The following METTL18 variants were observed in gnomAD, a reference collection of about 807,000 sequenced individuals.
METTL18 encodes histidine protein methyltransferase 1 homolog.
Under a neutral mutation model 19.6 loss-of-function variants are expected in METTL18, and 15 were observed. That is an observed-to-expected ratio of 0.77 (90% CI 0.51 to 1.18). The LOEUF (loss-of-function observed/expected upper bound fraction) is 1.18, where lower values mean the gene tolerates loss of function less well. METTL18 is among the 50% of genes most tolerant of loss of function. METTL18 has a pLI of 0.00. For missense variants in METTL18, 392 were observed against 418.8 expected (o/e 0.94, Z 0.56); for synonymous variants, 131 against 145.2 (o/e 0.90, Z 0.70).
intron 1 of METTL18, among the ~76,000 whole-genome samples, chr1:169,794,207 C>CT (rs1179989571): frequency 6.6e-6 from 1 of 152,224 alleles, no homozygotes; most frequent in Non-Finnish European, 1.5e-5. Flanking sequence ...TAGCTACTTG[C>CT]TGTCTTTCAG....
Position 169,792,613 on chromosome 1 carries a change from C to A in METTL18, c.1083G>T (p.Arg361Ser). 6.3e-7 allele frequency: 1 copy of A among 1,576,352 alleles called. No homozygotes were observed. Reference sequence around the variant, plus strand: ...ACTTAAAAGTTATTTCAATTATGAACCTCTTCAATCCTTCATCAATTATTT... The same window carrying A: ...ACTTAAAAGTTATTTCAATTATGAAACTCTTCAATCCTTCATCAATTATTT... The part of the protein sequence containing the change: ...ILKIIDEGLK[R>S]FIIEITFKFP... The change falls in exon 2 of 2, where the codon AGG (arginine) becomes AGT (serine). Residue 361 changes from arginine to serine, a missense_variant. Physicochemically the swap from Arg to Ser is moderately radical, Grantham distance 110. Transcript: ENST00000310392.
In METTL18 at chr1:169,793,129, T is replaced by C; in HGVS notation, c.567A>G (p.Lys189=). The C allele has an allele frequency of 6.2e-7, 1 of 1,614,186 alleles. No individual in the cohort carries two copies. The highest frequency in any genetic ancestry group is 8.5e-7 in the Non-Finnish European group (1 of 1,180,024). ...ATCCACAACCAAGATCCAAGACTTT[T>C]TTCCCAGCAAATTTCACTTTGGCCT... ...FTKAKVKFAG[K]KVLDLGCGSG... is the part of the protein sequence containing the mutation. Residue 189 remains lysine (K), a synonymous_variant, in exon 2 of 2, where the codon AAA becomes AAG. Coordinates refer to ENST00000310392, the MANE Select transcript of METTL18 (RefSeq NM_033418.4).
At position 169,793,123 on chromosome 1, in the gene METTL18, G is replaced by T; in HGVS notation, c.573C>A (p.Val191=). 6.2e-7 allele frequency: 1 copy of T among 1,614,154 alleles called. No homozygotes were observed. Residue 191 remains valine (V), a synonymous_variant, in exon 2 of 2, where the codon GTC becomes GTA. Coordinates refer to ENST00000310392, the MANE Select transcript of METTL18 (RefSeq NM_033418.4). ...AACCTGATCCACAACCAAGATCCAAGACTTTTTTCCCAGCAAATTTCACTT... is the reference window on the plus strand; with the variant it reads ...AACCTGATCCACAACCAAGATCCAATACTTTTTTCCCAGCAAATTTCACTT... ...KAKVKFAGKK[V]LDLGCGSGLL...
In METTL18 at chr1:169,792,905, C is replaced by T. The variant is rs1008797172; in HGVS notation, c.791G>A (p.Arg264Gln). The T allele has an allele frequency of 1.1e-5, 17 of 1,613,958 alleles. No homozygotes were observed. The highest frequency in any genetic ancestry group is 1.6e-4 in the Middle Eastern group (1 of 6,082). ...CTCAGACCACTCACCAGAAAAAAAT[C>T]GGCATTTATATAGTTGTGTTACTTT... The part of the protein sequence containing the change: ...KPKVTQLYKC[R>Q]FFSGEWSEFC... Residue 264 changes from arginine to glutamine, a missense_variant, in exon 2 of 2, where the codon CGA (arginine) becomes CAA (glutamine). Coordinates refer to ENST00000310392, the MANE Select transcript of METTL18 (RefSeq NM_033418.4).
rs780724782 is a variant in METTL18, at chr1:169,792,992, G to C, written c.704C>G (p.Ser235Cys). ...ATCATTTTCTTCATCTTCCAAAGTG[G>C]AGTTAGCTACTACATTAGGTAAGGT... Reference protein sequence around the residue: ...EVTLPNVVANSTLEDEENDVN... With the variant: ...EVTLPNVVANCTLEDEENDVN... Residue 235 changes from serine (S) to cysteine (C), a missense_variant, in exon 2 of 2, where the codon TCC becomes TGC. Ser to Cys is a moderately radical substitution (Grantham distance 112). Transcript: ENST00000310392. 5.0e-6 allele frequency: 8 copies of C among 1,614,016 alleles called. No homozygotes were observed. Among genetic ancestry groups the C allele is most frequent in the Non-Finnish European group, 6.8e-6 (8 of 1,179,970 alleles).
At position 169,793,592 on chromosome 1, in the gene METTL18, A is replaced by G; in HGVS notation, c.104T>C (p.Val35Ala). The G allele has an allele frequency of 6.2e-7, 1 of 1,614,196 alleles. No homozygotes were observed. The highest frequency in any genetic ancestry group is 8.5e-7 in the Non-Finnish European group (1 of 1,180,040). ...CTCTTCTCCTTTTTGACTTTCTGAG[A>G]CTGACAGCTCTTTTGAGGAATCCAG... ...LTLDSSKELSVSESQKGEERD... is the reference protein window; with the variant it reads ...LTLDSSKELSASESQKGEERD... Residue 35 changes from valine (V) to alanine (A), a missense_variant, in exon 2 of 2, where the codon GTC becomes GCC. Val to Ala is a moderately conservative substitution (Grantham distance 64). Transcript: ENST00000310392.
Position 169,793,462 on chromosome 1 carries a change from T to C in METTL18, c.234A>G (p.Pro78=). The change falls in exon 2 of 2, where the codon CCA becomes CCG. Residue 78 remains proline, a synonymous_variant. Transcript: ENST00000310392. ...NAAPSQDTDS[P]LSAASSSRNL... The stretch of plus-strand genomic sequence containing the variant: ...TCCTTGAACTGCTGGCTGCACTGAG[T>C]GGACTGTCTGTGTCTTGAGAGGGAG... The C allele has an allele frequency of 1.2e-6, 2 of 1,614,202 alleles. No homozygotes were observed. The highest frequency in any genetic ancestry group is 2.7e-5 in the African/African-American group (2 of 75,052).
chr1:169,792,823 G>A lies in METTL18; in HGVS notation c.873C>T (p.Leu291=). 2 of 1,613,740 alleles carry A rather than the reference G, an allele frequency of 1.2e-6. No homozygotes were observed. The highest frequency in any genetic ancestry group is 1.3e-5 in the African/African-American group (1 of 75,010). ...EKLFVKYDLI[L]TSETIYNPDY... ...CTGGGTTGTAAATGGTTTCTGAGGTGAGAATGAGATCATATTTTACAAAAA... is the reference window on the plus strand; with the variant it reads ...CTGGGTTGTAAATGGTTTCTGAGGTAAGAATGAGATCATATTTTACAAAAA... The change falls in exon 2 of 2, where the codon CTC becomes CTT. Residue 291 remains leucine, a synonymous_variant. Transcript: ENST00000310392.
At position 169,792,728 on chromosome 1, in the gene METTL18, C is replaced by G; in HGVS notation, c.968G>C (p.Ser323Thr). 6.2e-7 allele frequency: 1 copy of G among 1,613,826 alleles called. No homozygotes were observed. Among genetic ancestry groups the G allele is most frequent in the Non-Finnish European group, 8.5e-7 (1 of 1,179,954 alleles). ...ACCTACACCAAAATAATGTGCTTTGCTGGCCAAAAGTACACGTCCATTTTT... is the reference window on the plus strand; with the variant it reads ...ACCTACACCAAAATAATGTGCTTTGGTGGCCAAAAGTACACGTCCATTTTT... ...LSKNGRVLLASKAHYFGVGGG... is the reference protein window; with the variant it reads ...LSKNGRVLLATKAHYFGVGGG... The change falls in exon 2 of 2, where the codon AGC becomes ACC. Residue 323 changes from serine (S) to threonine (T), a missense_variant. Ser to Thr is a moderately conservative substitution (Grantham distance 58). Transcript: ENST00000310392.
In METTL18 at chr1:169,792,837, A is replaced by G; in HGVS notation, c.859T>C (p.Tyr287His). The G allele has an allele frequency of 6.2e-7, 1 of 1,613,896 alleles. No homozygotes were observed. Among genetic ancestry groups the G allele is most frequent in the Non-Finnish European group, 8.5e-7 (1 of 1,179,968 alleles). The change falls in exon 2 of 2, where the codon TAT (tyrosine) becomes CAT (histidine). Residue 287 changes from tyrosine (Y) to histidine (H), a missense_variant. By Grantham distance (83) the Tyr-to-His change is moderately conservative (BLOSUM62 2). Transcript: ENST00000310392. ...VLSSEKLFVK[Y>H]DLILTSETIY... ...GTTTCTGAGGTGAGAATGAGATCAT[A>G]TTTTACAAAAAGTTTTTCACTACTT...
rs1392932031 is a variant in METTL18, at chr1:169,792,858, T to G, written c.838A>C (p.Ser280Arg). Residue 280 changes from serine (S) to arginine (R), a missense_variant, in exon 2 of 2, where the codon AGT becomes CGT. Coordinates refer to ENST00000310392, the MANE Select transcript of METTL18 (RefSeq NM_033418.4). ...TCATATTTTACAAAAAGTTTTTCAC[T>G]ACTTAGTACAAGCTTACAAAACTCA... is the stretch of plus-strand genomic sequence containing the variant. ...WSEFCKLVLS[S>R]EKLFVKYDLI... The G allele has an allele frequency of 3.7e-6, 6 of 1,613,918 alleles. No individual in the cohort carries two copies. Among genetic ancestry groups the G allele is most frequent in the Non-Finnish European group, 4.2e-6 (5 of 1,180,004 alleles).
chr1:169,793,472 G>A lies in METTL18; in HGVS notation c.224C>T (p.Thr75Ile), dbSNP rs140273274. 5.5e-4 allele frequency: 885 copies of A among 1,614,186 alleles called. No homozygotes were observed. Among genetic ancestry groups the A allele is most frequent in the Non-Finnish European group, 7.0e-4 (823 of 1,180,018 alleles). The part of the protein sequence containing the change: ...SMENAAPSQD[T>I]DSPLSAASSS... ...GCTGGCTGCACTGAGTGGACTGTCT[G>A]TGTCTTGAGAGGGAGCTGCATTTTC... Residue 75 changes from threonine to isoleucine, a missense_variant, in exon 2 of 2, where the codon ACA (threonine) becomes ATA (isoleucine). Physicochemically the swap from Thr to Ile is moderately conservative, Grantham distance 89 (BLOSUM62 -1). Coordinates refer to ENST00000310392, the MANE Select transcript of METTL18 (RefSeq NM_033418.4).
chr1:169,793,524 C>G lies in METTL18; in HGVS notation c.172G>C (p.Asp58His). ...ATTGACTTATGTTCCCACAAGTGAT[C>G]CTGAGGCAAGTCAAATTGTTCTGCA... ...CSAEQFDLPQ[D>H]HLWEHKSMEN... Residue 58 changes from aspartate (D) to histidine (H), a missense_variant, in exon 2 of 2, where the codon GAT (aspartate) becomes CAT (histidine). Transcript: ENST00000310392. The G allele has an allele frequency of 6.2e-7, 1 of 1,614,164 alleles. No homozygotes were observed. Among genetic ancestry groups the G allele is most frequent in the Admixed American group, 1.7e-5 (1 of 60,018 alleles).
At chr1:169,794,723 G>T in intron 1 of METTL18, 92 bp downstream of exon 1, 1 of 166,720 alleles carries the variant, frequency 6.0e-6, no homozygotes. Context: ...AGTCACTTCC[G>T]GCTGCAGGTC....
rs201468146 is a variant in METTL18 at position 169,793,520 on chromosome 1, T to G, written c.176A>C (p.His59Pro). 24 of 1,614,214 alleles carry G rather than the reference T, an allele frequency of 1.5e-5. No homozygotes were observed. Among genetic ancestry groups the G allele is most frequent in the Non-Finnish European group, 1.7e-5 (20 of 1,180,034 alleles). ...TTCCATTGACTTATGTTCCCACAAG[T>G]GATCCTGAGGCAAGTCAAATTGTTC... ...SAEQFDLPQD[H>P]LWEHKSMENA... The change falls in exon 2 of 2, where the codon CAC becomes CCC. Residue 59 changes from histidine (H) to proline (P), a missense_variant. Coordinates refer to ENST00000310392, the MANE Select transcript of METTL18 (RefSeq NM_033418.4).
rs1259432410 is a variant in METTL18, at chr1:169,793,457, C to T, written c.239G>A (p.Ser80Asn). The T allele has an allele frequency of 1.2e-6, 2 of 1,614,208 alleles. No individual in the cohort carries two copies. The highest frequency in any genetic ancestry group is 2.2e-5 in the South Asian group (2 of 91,080). ...APSQDTDSPL[S>N]AASSSRNLEP... Reference sequence around the variant, plus strand: ...CAAGTTCCTTGAACTGCTGGCTGCACTGAGTGGACTGTCTGTGTCTTGAGA... The same window carrying T: ...CAAGTTCCTTGAACTGCTGGCTGCATTGAGTGGACTGTCTGTGTCTTGAGA... Residue 80 changes from serine (S) to asparagine (N), a missense_variant, in exon 2 of 2, where the codon AGT (serine) becomes AAT (asparagine). Coordinates refer to ENST00000310392, the MANE Select transcript of METTL18 (RefSeq NM_033418.4).
chr1:169,793,271 G>C lies in METTL18; in HGVS notation c.425C>G (p.Pro142Arg), dbSNP rs137931977. 2.7e-5 allele frequency: 44 copies of C among 1,614,072 alleles called. No individual in the cohort carries two copies. The African/African-American group carries it at 4.4e-4, about 16-fold the overall frequency. Residue 142 changes from proline (P) to arginine (R), a missense_variant, in exon 2 of 2, where the codon CCT becomes CGT. Physicochemically the swap from Pro to Arg is moderately radical, Grantham distance 103. Coordinates refer to ENST00000310392, the MANE Select transcript of METTL18 (RefSeq NM_033418.4). ...GCTTTTTGAAACTATGTTTTCTCCA[G>C]GGAAGTTCTCTTTCAACAAGATGGT... ...VKTILLKENFPGENIVSKSFS... is the reference protein window; with the variant it reads ...VKTILLKENFRGENIVSKSFS...
chr1:169,793,205 C>T lies in METTL18; in HGVS notation c.491G>A (p.Gly164Glu), dbSNP rs938547443. The T allele has an allele frequency of 6.2e-7, 1 of 1,614,162 alleles. No homozygotes were observed. Among genetic ancestry groups the T allele is most frequent in the Non-Finnish European group, 8.5e-7 (1 of 1,180,032 alleles). ...HSDLITGVYE[G>E]GLKIWECTFD... is the part of the protein sequence containing the mutation. ...GGTACATTCCCAGATTTTTAAGCCTCCCTCATAAACACCTGTAATCAGATC... is the reference window on the plus strand; with the variant it reads ...GGTACATTCCCAGATTTTTAAGCCTTCCTCATAAACACCTGTAATCAGATC... Residue 164 changes from glycine to glutamate, a missense_variant, in exon 2 of 2, where the codon GGA becomes GAA. Gly to Glu is a moderately conservative substitution (Grantham distance 98). Transcript: ENST00000310392.
chr1:169,792,930 T>C lies in METTL18; in HGVS notation c.766A>G (p.Lys256Glu), dbSNP rs775500169. The C allele has an allele frequency of 6.2e-7, 1 of 1,614,146 alleles. No individual in the cohort carries two copies. Among genetic ancestry groups the C allele is most frequent in the Non-Finnish European group, 8.5e-7 (1 of 1,180,010 alleles). ...CGGCATTTATATAGTTGTGTTACTT[T>C]TGGTTTCCTGCATCTTTTCACATCT... ...EPDVKRCRKP[K>E]VTQLYKCRFF... Residue 256 changes from lysine (K) to glutamate (E), a missense_variant, in exon 2 of 2, where the codon AAA becomes GAA. Coordinates refer to ENST00000310392, the MANE Select transcript of METTL18 (RefSeq NM_033418.4).
Sources: allele counts gnomAD v4.1 joint callset (sites outside exome capture counted in the v4.1 genomes callset), GRCh38; gene constraint gnomAD v4.1.1; transcripts MANE v1.5; gene names NCBI Gene and HGNC (gene_info 2026-07-23, HGNC 2026-07-21).